The following CNBD1 variants were observed in gnomAD, a reference collection of about 807,000 sequenced individuals.
The protein encoded by CNBD1 is cyclic nucleotide-binding domain-containing protein 1.
In CNBD1, 71 loss-of-function variants were observed where a neutral mutation model predicts 54.4. That is an observed-to-expected ratio of 1.30 (90% confidence interval 1.08 to 1.59). The LOEUF is 1.59. CNBD1 is among the 40% of genes most tolerant of loss of function. CNBD1 has a pLI of 0.00. For synonymous variants in CNBD1, 182 were observed against 170.7 expected (o/e 1.07, Z -0.51); for missense variants, 659 against 518.0 (o/e 1.27, Z -2.64).
At chr8:87,204,496 G>A (rs1424392606) in intron 4 of CNBD1, among the ~76,000 whole-genome samples, 1 of 152,036 alleles carries the variant, frequency 6.6e-6, no homozygotes, top group African/African-American at 2.4e-5. Context: ...TTATAACCAT[G>A]TCCCACTTTT....
At chr8:86,896,871 A>G (rs1159927770) in intron 2 of CNBD1, among the ~76,000 whole-genome samples, 1 of 152,204 alleles carries the variant, frequency 6.6e-6, no homozygotes, top group African/African-American at 2.4e-5. Flanking sequence ...GCTACAAATA[A>G]CCCAATAGAA....
At chr8:87,291,981 A>G (rs1351068294) in intron 8 of CNBD1, among the ~76,000 whole-genome samples, 2 of 152,210 alleles carry the variant, frequency 1.3e-5, no homozygotes, top group African/African-American at 4.8e-5. Flanking sequence ...TTACCCTTAG[A>G]CCAAAGTTAT....
At chr8:87,238,194 G>A (rs1292411945) in intron 6 of CNBD1, among the ~76,000 whole-genome samples, 1 of 152,058 alleles carries the variant, frequency 6.6e-6, no homozygotes, top group Non-Finnish European at 1.5e-5. Context: ...ATGTGATATG[G>A]TTTTCAATTT....
At chr8:86,895,871 T>C (rs1278164931) in intron 2 of CNBD1, among the ~76,000 whole-genome samples, 1 of 152,192 alleles carries the variant, frequency 6.6e-6, no homozygotes. Context: ...GTTTTGCAAA[T>C]AGTTTCTACT....
chr8:87,094,554 G>C (rs1045717123), intron 4 of CNBD1, among the ~76,000 whole-genome samples: 1 of 150,818 alleles, frequency 6.6e-6, no homozygotes, highest in Non-Finnish European at 1.5e-5. Context: ...ATTTCATATT[G>C]ACAATGCTAA....
At chr8:87,137,211 T>G (rs1403434091) in intron 4 of CNBD1, among the ~76,000 whole-genome samples, 2 of 145,570 alleles carry the variant, frequency 1.4e-5, no homozygotes, top group Admixed American at 1.4e-4. Flanking sequence ...ATATATTATA[T>G]TTATATTCTA....
intron 4 of CNBD1, among the ~76,000 whole-genome samples, chr8:87,073,951 A>T (rs931426068): frequency 1.3e-5 from 2 of 151,932 alleles, no homozygotes; most frequent in African/African-American, 4.8e-5. Flanking sequence ...AACACAAAAA[A>T]ATTAGCCAGG....
In CNBD1 at chr8:86,902,299, G is replaced by C. The variant is rs150763689; in HGVS notation, c.159-2782G>C. 6.2e-3 allele frequency among the ~76,000 whole-genome samples: 938 copies of C among 152,022 alleles called. 17 individuals carry two copies. Among genetic ancestry groups the C allele is most frequent in the African/African-American group, 0.021 (886 of 41,474 alleles). On this transcript the variant is annotated intron_variant, in intron 2 of 10. Transcript: ENST00000518476. ...TTAATATATACCTTTTTGGGAGTTG[G>C]GGGGGGAGCCATACAATCCATAGCA...
At chr8:86,914,745 T>C (rs970359146) in intron 3 of CNBD1, among the ~76,000 whole-genome samples, 1 of 152,212 alleles carries the variant, frequency 6.6e-6, no homozygotes, top group Non-Finnish European at 1.5e-5. Flanking sequence ...CCTTAAGCTA[T>C]ATACTTAACA....
At chr8:87,368,488 G>C (rs1810689291) in intron 10 of CNBD1, among the ~76,000 whole-genome samples, 1 of 151,496 alleles carries the variant, frequency 6.6e-6, no homozygotes, top group African/African-American at 2.4e-5. Flanking sequence ...ATAGTAAAAA[G>C]TTAGCTGGGC....
At chr8:87,130,649 G>A (rs1243189087) in intron 4 of CNBD1, among the ~76,000 whole-genome samples, 1 of 151,802 alleles carries the variant, frequency 6.6e-6, no homozygotes, top group African/African-American at 2.4e-5. Context: ...ATGGTGGTAG[G>A]CACCTGTTTC....
intron 3 of CNBD1, among the ~76,000 whole-genome samples, chr8:86,931,998 G>T (rs886931235): frequency 2.0e-5 from 3 of 152,160 alleles, no homozygotes; most frequent in African/African-American, 4.8e-5. Flanking sequence ...CTGAGTCTAG[G>T]TCCCAATGGG....
chr8:86,928,949 T>C (rs1297676642), intron 3 of CNBD1, among the ~76,000 whole-genome samples: 1 of 152,186 alleles, frequency 6.6e-6, no homozygotes. Context: ...TTAACCACCC[T>C]GAGGGGAGAA....
intron 10 of CNBD1, among the ~76,000 whole-genome samples, chr8:87,379,863 T>C (rs1271076219): frequency 6.6e-6 from 1 of 151,978 alleles, no homozygotes; most frequent in Non-Finnish European, 1.5e-5. Context: ...TAGAGCTTAG[T>C]AGCAAATCCT....
At chr8:87,371,454 A>G (rs907565847) in intron 10 of CNBD1, among the ~76,000 whole-genome samples, 1 of 151,936 alleles carries the variant, frequency 6.6e-6, no homozygotes, top group African/African-American at 2.4e-5. Context: ...GTCCCTTGTA[A>G]TTTGGATTCC....
rs376779485 is a variant in CNBD1 at position 87,303,595 on chromosome 8, A to C, written c.1042+16924A>C. On this transcript the variant is annotated intron_variant, in intron 8 of 10. Transcript: ENST00000518476. Reference sequence around the variant, plus strand: ...GGCATGGGCAAGGTCTTCATGTCTAAAACACAAAAAGCAATGACAACAAAA... The same window carrying C: ...GGCATGGGCAAGGTCTTCATGTCTACAACACAAAAAGCAATGACAACAAAA... Among the ~76,000 whole-genome samples, 113 of 152,234 alleles carry C rather than the reference A, an allele frequency of 7.4e-4. 3 individuals carry two copies. In the Middle Eastern group the frequency reaches 0.027, roughly 37 times the overall value.
chr8:87,190,825 G>C (rs1813585320), intron 4 of CNBD1, among the ~76,000 whole-genome samples: 1 of 116,966 alleles, frequency 8.5e-6, no homozygotes, highest in African/African-American at 3.2e-5. Context: ...AGAACCAATA[G>C]GAGGTACATA....
At chr8:87,300,618 GGAGTCA>G (rs1206338938) in intron 8 of CNBD1, among the ~76,000 whole-genome samples, 4 of 151,960 alleles carry the variant, frequency 2.6e-5, no homozygotes, top group Non-Finnish European at 5.9e-5. Flanking sequence ...TATTTATCAT[GGAGTCA>G]GACACAATGG....
intron 10 of CNBD1, among the ~76,000 whole-genome samples, chr8:87,378,940 A>C (rs1811012164): frequency 6.7e-6 from 1 of 149,112 alleles, no homozygotes; most frequent in South Asian, 2.1e-4. Flanking sequence ...TTCACTCATG[A>C]TTTGGCTCTC....
Sources: allele counts gnomAD v4.1 joint callset (sites outside exome capture counted in the v4.1 genomes callset), GRCh38; gene constraint gnomAD v4.1.1; transcripts MANE v1.5; gene names NCBI Gene and HGNC (gene_info 2026-07-23, HGNC 2026-07-21).